ZNF142: variants seen among roughly 807,000 people sequenced by gnomAD.
ZNF142 encodes zinc finger protein 142.
ZNF142 carries 96 observed loss-of-function variants against 132.1 expected under a neutral mutation model. That is an observed-to-expected ratio of 0.73 (90% CI 0.62 to 0.86). The LOEUF is 0.86. ZNF142 is among the 40% of genes least tolerant of loss of function. The pLI, the probability that ZNF142 is intolerant of heterozygous loss-of-function variation, is 0.00. For missense variants in ZNF142, 2,163 were observed against 2,336.2 expected (o/e 0.93, Z 1.53); for synonymous variants, 842 against 890.1 (o/e 0.95, Z 0.96).
chr2:218,657,303 C>G (rs1431770654), intron 3 of ZNF142, among the ~76,000 whole-genome samples: 1 of 152,160 alleles, frequency 6.6e-6, no homozygotes, highest in African/African-American at 2.4e-5. Context: ...GCTTTCATAC[C>G]CTCACAGCCT....
intron 7 of ZNF142, 111 bp from the exon 8 acceptor site, chr2:218,646,459 T>TC (rs1426347692): frequency 1.6e-6 from 2 of 1,246,056 alleles, no homozygotes; most frequent in Non-Finnish European, 2.2e-6. Flanking sequence ...AACAACAGCT[T>TC]CATGTGCTAC....
At chr2:218,656,751 A>G (rs1278007626) in intron 3 of ZNF142, among the ~76,000 whole-genome samples, 5 of 152,108 alleles carry the variant, frequency 3.3e-5, no homozygotes, top group Non-Finnish European at 5.9e-5. Flanking sequence ...CAAGTCATTA[A>G]GCAATTTGGG....
At chr2:218,653,750 T>G (rs1029806984) in intron 4 of ZNF142, among the ~76,000 whole-genome samples, 1 of 152,224 alleles carries the variant, frequency 6.6e-6, no homozygotes, top group Non-Finnish European at 1.5e-5. Context: ...ACATCTAGTT[T>G]GTACTTTCTT....
In ZNF142 at chr2:218,634,000, G is replaced by C. The variant is rs919325832; in HGVS notation, c.*4339C>G. 12 of 1,460,126 alleles carry C rather than the reference G, an allele frequency of 8.2e-6. No homozygotes were observed. The East Asian group carries it at 2.2e-4, about 27-fold the overall frequency. The allele number at this position is 1,460,126 out of a possible 1,614,324, so 90.4% of individuals were successfully genotyped here. A position where few individuals can be genotyped will look rare whatever the true frequency, so the allele number is the denominator to read the frequency against. On this transcript the variant is annotated 3_prime_UTR_variant, in exon 11 of 11. Coordinates refer to ENST00000411696, the MANE Select transcript of ZNF142 (RefSeq NM_001379659.1). Reference sequence around the variant, plus strand: ...GGCACAGTGAAACTTTCTGGAGCCAGCTTCAGATGCTGGAGAGAAGGGTGA... The same window carrying C: ...GGCACAGTGAAACTTTCTGGAGCCACCTTCAGATGCTGGAGAGAAGGGTGA...
chr2:218,650,784 G>A (rs1013541617), intron 5 of ZNF142, among the ~76,000 whole-genome samples: 7 of 152,176 alleles, frequency 4.6e-5, no homozygotes, highest in South Asian at 2.1e-4. Context: ...TGACAGCAGC[G>A]AGGTCATTGA....
chr2:218,648,884 C>T lies in ZNF142; in HGVS notation c.1624G>A (p.Ala542Thr), dbSNP rs771485823. The change falls in exon 7 of 11, where the codon GCC becomes ACC. Residue 542 changes from alanine (A) to threonine (T), a missense_variant. Around this residue, in one of 7 missense-constraint regions of ZNF142, gnomAD observed 749 missense variants for 830.3 expected, o/e 0.90. Coordinates refer to ENST00000411696, the MANE Select transcript of ZNF142 (RefSeq NM_001379659.1). ...AAATCACAGTGGGGGCAGTGGAAGG[C>T]GTAGTGACTCTTGTGGTGGGCCTCC... ...AMEAHHKSHYAFHCPHCDFAC... is the reference protein window; with the variant it reads ...AMEAHHKSHYTFHCPHCDFAC... 21 of 1,613,712 alleles carry T rather than the reference C, an allele frequency of 1.3e-5. No homozygotes were observed. Among genetic ancestry groups the T allele is most frequent in the Non-Finnish European group, 1.7e-5 (20 of 1,180,010 alleles).
Position 218,634,134 on chromosome 2 carries a change from C to T in ZNF142, c.*4205G>A, listed in dbSNP as rs762243867. 2.5e-5 allele frequency: 41 copies of T among 1,612,198 alleles called. No individual in the cohort carries two copies. Among genetic ancestry groups the T allele is most frequent in the Admixed American group, 2.3e-4 (14 of 59,710 alleles). On this transcript the variant is annotated 3_prime_UTR_variant, in exon 11 of 11. Coordinates refer to ENST00000411696, the MANE Select transcript of ZNF142 (RefSeq NM_001379659.1). This position sits in a 1 kb window ranked among gnomAD's most constrained non-coding sequence, Gnocchi z 4.0. ...TGAGTTTGTGCAGCACAATACTTGG[C>T]AGTTAAGCCGTGTGTATCCCAGCGG... is the stretch of plus-strand genomic sequence containing the variant.
At position 218,644,321 on chromosome 2, in the gene ZNF142, T is replaced by G; in HGVS notation, c.2795A>C (p.Asp932Ala). The change falls in exon 9 of 11, where the codon GAT becomes GCT. Residue 932 changes from aspartate to alanine, a missense_variant. This residue lies in a region of ZNF142 where 749 missense variants were observed against 830.3 expected (regional missense o/e 0.90). Transcript: ENST00000411696. This position sits in a 1 kb window ranked among gnomAD's most constrained non-coding sequence, Gnocchi z 4.6. ...AGATAGCTCTGGTCCTTCCAGTCCA[T>G]CTGGCCCTTCCAGTCCCAGGGGCCT... ...EFRPLGLEGP[D>A]GLEGPELSSF... 17 of 1,614,132 alleles carry G rather than the reference T, an allele frequency of 1.1e-5. No individual in the cohort carries two copies. The highest frequency in any genetic ancestry group is 1.4e-5 in the Non-Finnish European group (17 of 1,180,022).
Position 218,643,865 on chromosome 2 carries a change from T to C in ZNF142, c.3251A>G (p.His1084Arg). ...SFKQQRGLST[H>R]LLKKCPVLLR... ...TAGAACAGGGCACTTCTTCAGCAGG[T>C]GGGTGCTGAGGCCGCGTTGTTGCTT... Residue 1084 changes from histidine (H) to arginine (R), a missense_variant, in exon 9 of 11, where the codon CAC becomes CGC. His to Arg is a conservative substitution (Grantham distance 29, BLOSUM62 0). This residue lies in a region of ZNF142 where 809 missense variants were observed against 801.7 expected (regional missense o/e 1.01). Transcript: ENST00000411696. The C allele has an allele frequency of 6.2e-7, 1 of 1,614,154 alleles. No individual in the cohort carries two copies. Among genetic ancestry groups the C allele is most frequent in the South Asian group, 1.1e-5 (1 of 91,074 alleles).
chr2:218,652,639 G>A (rs183073248), intron 4 of ZNF142, among the ~76,000 whole-genome samples: 21 of 152,274 alleles, frequency 1.4e-4, no homozygotes, highest in Admixed American at 1.2e-3. Flanking sequence ...ACAAACTAGG[G>A]ATAATATCTG....
chr2:218,655,825 T>A (rs969090923), intron 4 of ZNF142, among the ~76,000 whole-genome samples: 1 of 152,138 alleles, frequency 6.6e-6, no homozygotes, highest in African/African-American at 2.4e-5. Flanking sequence ...AGGGTCAATA[T>A]GGAGGAAAGA....
chr2:218,646,292 G>A lies in ZNF142; in HGVS notation c.1930C>T (p.Leu644=), dbSNP rs1697725813. The A allele has an allele frequency of 6.2e-7, 1 of 1,614,094 alleles. No individual in the cohort carries two copies. The highest frequency in any genetic ancestry group is 1.7e-5 in the Admixed American group (1 of 60,002). The change falls in exon 8 of 11, where the codon CTA becomes TTA. Residue 644 remains leucine (L), a synonymous_variant. Transcript: ENST00000411696. ...CDFTCRDVSY[L]SKHMLTHSNT... ...GAGTGGGTCAGCATGTGCTTGGATA[G>A]GTAGCTCACGTCTCGGCATGTGAAG...
In ZNF142 at chr2:218,633,388, T is replaced by C. The variant is rs1434355697; in HGVS notation, c.*4951A>G. The C allele has an allele frequency of 1.4e-6, 1 of 708,294 alleles. No homozygotes were observed. The allele number at this position is 708,294 out of a possible 1,614,324, so 43.9% of individuals were successfully genotyped here. ...TTTATTCCCATTCCCACCCCCAGGT[T>C]GTGACGTGCCCGCTGTTTTGTCCGT... On this transcript the variant is annotated 3_prime_UTR_variant, in exon 11 of 11. Coordinates refer to ENST00000411696, the MANE Select transcript of ZNF142 (RefSeq NM_001379659.1).
At position 218,635,602 on chromosome 2, in the gene ZNF142, G is replaced by C. The variant is rs1216550442; in HGVS notation, c.*2737C>G. 6.6e-6 allele frequency among the ~76,000 whole-genome samples: 1 copy of C among 152,132 alleles called. No individual in the cohort carries two copies. The highest frequency in any genetic ancestry group is 1.5e-5 in the Non-Finnish European group (1 of 68,030). On this transcript the variant is annotated 3_prime_UTR_variant, in exon 11 of 11. Transcript: ENST00000411696. ...CCCACCTCGGCCTCCTGAAGTGTTG[G>C]GATTACAGGTGTGAGCCACCGTGCC... is the stretch of plus-strand genomic sequence containing the variant.
intron 9 of ZNF142, among the ~76,000 whole-genome samples, chr2:218,641,547 ATTT>A (rs910874122): frequency 7.6e-5 from 11 of 144,716 alleles, no homozygotes; most frequent in African/African-American, 2.8e-4. Flanking sequence ...CCCAGCCTCA[ATTT>A]TTTTTTTTAA....
chr2:218,643,101 G>A lies in ZNF142; in HGVS notation c.4015C>T (p.Leu1339Phe), dbSNP rs1270070763. The change falls in exon 9 of 11, where the codon CTC becomes TTC. Residue 1339 changes from leucine (L) to phenylalanine (F), a missense_variant. Physicochemically the swap from Leu to Phe is conservative, Grantham distance 22. Transcript: ENST00000411696. ...LEESGELHCS[L>F]CPFTAPAATA... ...GCAGCAGGAGCAGTGAATGGGCAGA[G>A]GCTGCAGTGCAGCTCTCCAGACTCC... is the stretch of plus-strand genomic sequence containing the variant. The A allele has an allele frequency of 6.2e-7, 1 of 1,611,420 alleles. No individual in the cohort carries two copies. The highest frequency in any genetic ancestry group is 8.5e-7 in the Non-Finnish European group (1 of 1,178,848).
chr2:218,648,224 A>T (rs1559297969), intron 7 of ZNF142, among the ~76,000 whole-genome samples: 2 of 152,242 alleles, frequency 1.3e-5, no homozygotes, highest in African/African-American at 4.8e-5. Context: ...AAGTTATAGA[A>T]GGCCATATGC....
chr2:218,634,631 G>C lies in ZNF142; in HGVS notation c.*3708C>G. ...CAAAGCCCAGACTCTCTTAATCCAG[G>C]TACAGTGGAAATAAACTGTTGGGAA... On this transcript the variant is annotated 3_prime_UTR_variant, in exon 11 of 11. Transcript: ENST00000411696. The surrounding 1 kb of genome is among the most constrained non-coding windows in gnomAD (Gnocchi z 4.0). 2 of 1,612,746 alleles carry C rather than the reference G, an allele frequency of 1.2e-6. No homozygotes were observed. The highest frequency in any genetic ancestry group is 1.7e-6 in the Non-Finnish European group (2 of 1,179,412).
Position 218,643,715 on chromosome 2 carries a change from T to C in ZNF142, c.3401A>G (p.Glu1134Gly). The C allele has an allele frequency of 6.2e-7, 1 of 1,602,724 alleles. No individual in the cohort carries two copies. ...GKPPPASQEA[E>G]LLLPKDAPLE... ...AGGAGCATCTTTTGGAAGCAGTAGCTCTGCTTCTTGTGATGCAGGTGGGGG... is the reference window on the plus strand; with the variant it reads ...AGGAGCATCTTTTGGAAGCAGTAGCCCTGCTTCTTGTGATGCAGGTGGGGG... The change falls in exon 9 of 11, where the codon GAG (glutamate) becomes GGG (glycine). Residue 1134 changes from glutamate to glycine, a missense_variant. Physicochemically the swap from Glu to Gly is moderately conservative, Grantham distance 98. Transcript: ENST00000411696.
Sources: gnomAD v4.1 joint callset for allele counts (sites outside exome capture counted in the v4.1 genomes callset) on GRCh38, gnomAD v4.1.1 for gene constraint, gnomAD v4.1.1 regional missense constraint, Gnocchi (gnomAD v3.1) non-coding constraint, MANE v1.5 for transcripts, NCBI Gene and HGNC (gene_info 2026-07-23, HGNC 2026-07-21) for gene names.